Variants in BLOC1S2 observed in about 807,000 individuals in gnomAD.
The protein encoded by BLOC1S2 is biogenesis of lysosomal organelles complex 1 subunit 2.
BLOC1S2 carries 12 observed loss-of-function variants against 19.6 expected under a neutral mutation model. The ratio of observed to expected loss-of-function variants is 0.61; its 90% CI spans 0.39 to 0.99. The LOEUF is 0.99. BLOC1S2 is among the 50% of genes least tolerant of loss of function. BLOC1S2 has a pLI of 0.00. For missense variants in BLOC1S2, 142 were observed against 171.0 expected (o/e 0.83, Z 0.95); for synonymous variants, 66 against 64.1 (o/e 1.03, Z -0.14).
At chr10:100,281,075 G>T in intron 2 of BLOC1S2, 22 bp from the exon 3 acceptor site, 3 of 1,610,468 alleles carry the variant, frequency 1.9e-6, no homozygotes, top group Non-Finnish European at 1.7e-6. Context: ...AACAGAAGAT[G>T]TAATGTCTTT....
rs1325133810 is a variant in BLOC1S2, at chr10:100,286,167, T to C, written c.102A>G (p.Glu34=). The C allele has an allele frequency of 3.1e-6, 5 of 1,613,986 alleles. No homozygotes were observed. The highest frequency in any genetic ancestry group is 4.2e-6 in the Non-Finnish European group (5 of 1,180,008). ...ETAEEAKEPA[E]ADITELCRDM... ...CCCGGCAGAGCTCAGTGATGTCAGC[T>C]TCAGCAGGCTCCTTTGCTTCCTCAG... The change falls in exon 2 of 5, where the codon GAA becomes GAG. Residue 34 remains glutamate, a synonymous_variant. Coordinates refer to ENST00000370372, the MANE Select transcript of BLOC1S2 (RefSeq NM_173809.5).
intron 4 of BLOC1S2, among the ~76,000 whole-genome samples, chr10:100,278,999 A>G (rs865787837): frequency 2.0e-5 from 3 of 152,076 alleles, no homozygotes; most frequent in Non-Finnish European, 4.4e-5. Context: ...AGGAAGGAGG[A>G]TCACTAGAGC....
In BLOC1S2 at chr10:100,277,958, G is replaced by C. The variant is rs1847970487; in HGVS notation, c.397+2166C>G. On this transcript the variant is annotated intron_variant, in intron 4 of 4. Transcript: ENST00000370372. ...CGCCTCTGCCCGGCCGCCCCTACTGGGAAGTGAGGAGCCCCTCTGCCCGGC... is the reference window on the plus strand; with the variant it reads ...CGCCTCTGCCCGGCCGCCCCTACTGCGAAGTGAGGAGCCCCTCTGCCCGGC... 3.8e-5 allele frequency among the ~76,000 whole-genome samples: 4 copies of C among 104,874 alleles called. No individual in the cohort carries two copies. In the South Asian group the frequency reaches 8.9e-4, roughly 23 times the overall value. 68.8% of individuals were successfully genotyped at this position (104,874 alleles called of 152,430 possible).
At chr10:100,280,910 T>C in intron 3 of BLOC1S2, 24 bp downstream of exon 3, 1 of 1,596,594 alleles carries the variant, frequency 6.3e-7, no homozygotes, top group Non-Finnish European at 8.5e-7. Context: ...ACAAACATGT[T>C]TAATTACAAA....
Position 100,286,574 on chromosome 10 carries a change from C to T in BLOC1S2, c.55+31G>A, listed in dbSNP as rs556763644. On this transcript the variant is annotated intron_variant, in intron 1 of 4. Coordinates refer to ENST00000370372, the MANE Select transcript of BLOC1S2 (RefSeq NM_173809.5). Reference sequence around the variant, plus strand: ...CGAGACGGAGCCCCAGGCCCCCCACCGGACGCTTCCTCCCCATCCATTCCG... The same window carrying T: ...CGAGACGGAGCCCCAGGCCCCCCACTGGACGCTTCCTCCCCATCCATTCCG... The T allele has an allele frequency of 5.2e-5, 84 of 1,612,226 alleles. 1 individual carries two copies. In the South Asian group the frequency reaches 9.0e-4, roughly 17 times the overall value.
chr10:100,286,571 C>T (rs1318692363), intron 1 of BLOC1S2, 34 bp downstream of exon 1: 2 of 1,612,084 alleles, frequency 1.2e-6, no homozygotes, highest in African/African-American at 2.7e-5. Context: ...CCAGGCCCCC[C>T]ACCGGACGCT....
chr10:100,275,631 C>A, intron 4 of BLOC1S2, 138 bp from the exon 5 acceptor site: 1 of 730,200 alleles, frequency 1.4e-6, no homozygotes, highest in South Asian at 1.9e-5. Context: ...ATCATCTGTC[C>A]AAATATACGG....
chr10:100,275,321 C>T lies in BLOC1S2; in HGVS notation c.*141G>A, dbSNP rs1385912530. 9.7e-6 allele frequency: 8 copies of T among 820,816 alleles called. No individual in the cohort carries two copies. The highest frequency in any genetic ancestry group is 2.6e-4 in the Middle Eastern group (1 of 3,792). The allele number at this position is 820,816 out of a possible 1,614,324, so 50.8% of individuals were successfully genotyped here. On this transcript the variant is annotated 3_prime_UTR_variant, in exon 5 of 5. Coordinates refer to ENST00000370372, the MANE Select transcript of BLOC1S2 (RefSeq NM_173809.5). ...AATAGCCACAGTCCTCCAGTTTACT[C>T]GAACGTTGAGATGTTCCTGTGATGA... is the stretch of plus-strand genomic sequence containing the variant.
chr10:100,286,034 G>T (rs1848225759), intron 2 of BLOC1S2, 63 bp downstream of exon 2: 1 of 1,588,890 alleles, frequency 6.3e-7, no homozygotes, highest in Non-Finnish European at 8.6e-7. Flanking sequence ...GACTGATGCT[G>T]CTAACCATCT....
In BLOC1S2 at chr10:100,280,968, G is replaced by C; in HGVS notation, c.258C>G (p.Asn86Lys). 6.2e-7 allele frequency: 1 copy of C among 1,613,356 alleles called. No individual in the cohort carries two copies. The highest frequency in any genetic ancestry group is 8.5e-7 in the Non-Finnish European group (1 of 1,179,770). ...KYLEMKDIAI[N>K]ISRNLKDLNQ... is the part of the protein sequence containing the mutation. The stretch of plus-strand genomic sequence containing the variant: ...TTAAGTCCTTTAAGTTCCTACTAAT[G>C]TTTATAGCAATATCTTTCATTTCAA... The change falls in exon 3 of 5, where the codon AAC becomes AAG. Residue 86 changes from asparagine (N) to lysine (K), a missense_variant. Physicochemically the swap from Asn to Lys is moderately conservative, Grantham distance 94. This residue lies in a region of BLOC1S2 where 94 missense variants were observed against 141.3 expected (regional missense o/e 0.67). Transcript: ENST00000370372.
chr10:100,275,322 G>T lies in BLOC1S2; in HGVS notation c.*140C>A. 1.2e-6 allele frequency: 1 copy of T among 822,266 alleles called. No homozygotes were observed. The highest frequency in any genetic ancestry group is 1.9e-6 in the Non-Finnish European group (1 of 525,148). 50.9% of individuals were successfully genotyped at this position (822,266 alleles called of 1,614,324 possible). A position where few individuals can be genotyped will look rare whatever the true frequency, so the allele number is the denominator to read the frequency against. On this transcript the variant is annotated 3_prime_UTR_variant, in exon 5 of 5. Transcript: ENST00000370372. ...ATAGCCACAGTCCTCCAGTTTACTCGAACGTTGAGATGTTCCTGTGATGAC... is the reference window on the plus strand; with the variant it reads ...ATAGCCACAGTCCTCCAGTTTACTCTAACGTTGAGATGTTCCTGTGATGAC...
intron 2 of BLOC1S2, among the ~76,000 whole-genome samples, chr10:100,283,987 T>C (rs142823911): frequency 1.2e-3 from 178 of 152,348 alleles, no homozygotes; most frequent in Non-Finnish European, 2.2e-3. Flanking sequence ...ATAAGAAAAT[T>C]ATTCACTTCC....
chr10:100,277,930 G>C (rs1847968994), intron 4 of BLOC1S2, among the ~76,000 whole-genome samples: 1 of 101,016 alleles, frequency 9.9e-6, no homozygotes, highest in Non-Finnish European at 2.1e-5. Flanking sequence ...GGGAGGTGAG[G>C]GGCGCCTCTG....
In BLOC1S2 at chr10:100,275,738, C is replaced by A. The variant is rs551205494; in HGVS notation, c.398-245G>T. 2.6e-5 allele frequency among the ~76,000 whole-genome samples: 4 copies of A among 152,282 alleles called. No homozygotes were observed. The South Asian group carries it at 8.3e-4, about 32-fold the overall frequency. On this transcript the variant is annotated intron_variant, in intron 4 of 4. Coordinates refer to ENST00000370372, the MANE Select transcript of BLOC1S2 (RefSeq NM_173809.5). Reference sequence around the variant, plus strand: ...CACGAAGTCCTCACCCTGTCAACAGCACCTACTTAGACAGCTCCACCAGGA... The same window carrying A: ...CACGAAGTCCTCACCCTGTCAACAGAACCTACTTAGACAGCTCCACCAGGA...
rs1308898250 is a variant in BLOC1S2, at chr10:100,277,723, G to C, written c.398-2230C>G. 2.4e-5 allele frequency among the ~76,000 whole-genome samples: 3 copies of C among 122,944 alleles called. No individual in the cohort carries two copies. The South Asian group carries it at 7.8e-4, about 32-fold the overall frequency. The allele number at this position is 122,944 out of a possible 152,430, so 80.7% of individuals were successfully genotyped here. ...AGGGAGGTGGGGGGCTCAGCCCCCCGCCCGGCCAGCCGCCCCGTCCGGGAG... is the reference window on the plus strand; with the variant it reads ...AGGGAGGTGGGGGGCTCAGCCCCCCCCCCGGCCAGCCGCCCCGTCCGGGAG... On this transcript the variant is annotated intron_variant, in intron 4 of 4. Transcript: ENST00000370372.
intron 4 of BLOC1S2, among the ~76,000 whole-genome samples, chr10:100,277,141 G>A (rs1168128690): frequency 6.6e-6 from 1 of 151,026 alleles, no homozygotes; most frequent in Non-Finnish European, 1.5e-5. Context: ...TGTGGGGAGC[G>A]CCTGTGCCCC....
At position 100,281,693 on chromosome 10, in the gene BLOC1S2, A is replaced by ATATATAT. The variant is rs1554910961; in HGVS notation, c.173-641_173-640insATATATA. On this transcript the variant is annotated intron_variant, in intron 2 of 4. Coordinates refer to ENST00000370372, the MANE Select transcript of BLOC1S2 (RefSeq NM_173809.5). ...GTGAGACTCCATCTCAAAAAAAAAA[A>ATATATAT]ATATATATATATACACATACACACA... Among the ~76,000 whole-genome samples, 477 of 138,880 alleles carry ATATATAT rather than the reference A, an allele frequency of 3.4e-3. 11 individuals are homozygous for ATATATAT. Among genetic ancestry groups the ATATATAT allele is most frequent in the African/African-American group, 0.013 (459 of 35,608 alleles). 91.1% of individuals were successfully genotyped at this position (138,880 alleles called of 152,430 possible).
Position 100,278,015 on chromosome 10 carries a change from A to G in BLOC1S2, c.397+2109T>C, listed in dbSNP as rs1188792285. Among the ~76,000 whole-genome samples the G allele has an allele frequency of 3.9e-4, 31 of 79,250 alleles. 1 individual carries two copies. Among genetic ancestry groups the G allele is most frequent in the African/African-American group, 1.1e-3 (22 of 19,156 alleles). The allele number at this position is 79,250 out of a possible 152,430, so 52.0% of individuals were successfully genotyped here. Reference sequence around the variant, plus strand: ...CCCTGTCCGGGAGGGAGGTGAGGGAATCAGCCCCCCGCCCGGCCAGCCGCC... The same window carrying G: ...CCCTGTCCGGGAGGGAGGTGAGGGAGTCAGCCCCCCGCCCGGCCAGCCGCC... On this transcript the variant is annotated intron_variant, in intron 4 of 4. Coordinates refer to ENST00000370372, the MANE Select transcript of BLOC1S2 (RefSeq NM_173809.5).
intron 4 of BLOC1S2, among the ~76,000 whole-genome samples, chr10:100,278,057 T>TG (rs1407430682): frequency 8.9e-6 from 1 of 111,860 alleles, no homozygotes; most frequent in Non-Finnish European, 1.8e-5. Flanking sequence ...GGGAGGGAGG[T>TG]GGGGGGCTCA....
Sources: gnomAD v4.1 joint callset for allele counts (sites outside exome capture counted in the v4.1 genomes callset) on GRCh38, gnomAD v4.1.1 for gene constraint, gnomAD v4.1.1 regional missense constraint, MANE v1.5 for transcripts, NCBI Gene and HGNC (gene_info 2026-07-23, HGNC 2026-07-21) for gene names.